Variants in UEVLD observed in about 807,000 individuals in gnomAD.
The protein encoded by UEVLD is ubiquitin-conjugating enzyme E2 variant 3.
A neutral mutation model predicts 58.6 loss-of-function variants in UEVLD; 47 were observed. The observed-to-expected ratio is 0.80, with a 90% confidence interval of 0.63 to 1.02. UEVLD has a LOEUF of 1.02. Ranked by LOEUF, UEVLD falls within the 50% of genes least tolerant of loss-of-function variation. The pLI is 0.00. For missense variants in UEVLD, 510 were observed against 550.6 expected, an observed-to-expected ratio of 0.93 and a Z score of 0.74; for synonymous variants, 197 against 195.3, an observed-to-expected ratio of 1.01 and a Z score of -0.07.
intron 4 of UEVLD, among the ~76,000 whole-genome samples, chr11:18,569,141 GC>G (rs1224298133): frequency 2.0e-5 from 3 of 152,080 alleles, no homozygotes; most frequent in Non-Finnish European, 4.4e-5. Flanking sequence ...TGATCCACCC[GC>G]CTCGGCCTAC....
intron 3 of UEVLD, 93 bp downstream of exon 3, chr11:18,575,254 T>A: frequency 7.4e-7 from 1 of 1,347,008 alleles, no homozygotes; most frequent in Non-Finnish European, 1.0e-6. Context: ...TCTGCAATAA[T>A]ACTTTAAGAA....
At chr11:18,539,964 T>A (rs1440289815) in intron 9 of UEVLD, among the ~76,000 whole-genome samples, 1 of 152,270 alleles carries the variant, frequency 6.6e-6, no homozygotes, top group Non-Finnish European at 1.5e-5. Flanking sequence ...TGTTTCCAAA[T>A]CCTAATGTTG....
intron 3 of UEVLD, among the ~76,000 whole-genome samples, chr11:18,572,460 A>C (rs997135910): frequency 2.3e-4 from 35 of 152,282 alleles, no homozygotes; most frequent in African/African-American, 7.7e-4. Context: ...TTTTAGCATA[A>C]GCATGTATAA....
At chr11:18,545,860 G>A (rs943757649) in intron 8 of UEVLD, among the ~76,000 whole-genome samples, 2 of 151,760 alleles carry the variant, frequency 1.3e-5, no homozygotes, top group Admixed American at 6.6e-5. Flanking sequence ...CTTATTGATC[G>A]AGTTTTCTTT....
Position 18,532,420 on chromosome 11 carries a change from G to C in UEVLD, c.1316C>G (p.Ser439Cys). The C allele has an allele frequency of 2.5e-6, 4 of 1,613,474 alleles. No homozygotes were observed. Among genetic ancestry groups the C allele is most frequent in the South Asian group, 2.2e-5 (2 of 91,020 alleles). Residue 439 changes from serine to cysteine, a missense_variant, in exon 12 of 12, where the codon TCT (serine) becomes TGT (cysteine). Ser to Cys is a moderately radical substitution (Grantham distance 112). Coordinates refer to ENST00000396197, the MANE Select transcript of UEVLD (RefSeq NM_001040697.4). ...TTTCAGTGTGGTTTTGATAACTTCA[G>C]ATACTCCATTGGTTCCAAGGATGCA... ...LPCILGTNGV[S>C]EVIKTTLKED...
intron 6 of UEVLD, among the ~76,000 whole-genome samples, chr11:18,561,467 C>T (rs999495387): frequency 4.0e-5 from 6 of 151,544 alleles, no homozygotes; most frequent in Non-Finnish European, 8.8e-5. Flanking sequence ...CATGGTGGCA[C>T]GTACCTGTAA....
chr11:18,538,262 T>A (rs56276143), intron 9 of UEVLD, among the ~76,000 whole-genome samples: 1 of 151,694 alleles, frequency 6.6e-6, no homozygotes, highest in East Asian at 1.9e-4. Context: ...TATTCTTTTG[T>A]GTTCTCTTGC....
chr11:18,588,555 C>T (rs1347150988), intron 1 of UEVLD, 58 bp downstream of exon 1: 1 of 1,589,808 alleles, frequency 6.3e-7, no homozygotes, highest in African/African-American at 1.3e-5. Flanking sequence ...TGGCCAAAGG[C>T]AGAGGCACCC....
chr11:18,570,398 A>C (rs754711793), intron 3 of UEVLD, 21 bp from the exon 4 acceptor site: 1 of 1,501,178 alleles, frequency 6.7e-7, no homozygotes, highest in Non-Finnish European at 8.9e-7. Context: ...CAAAAGAAAC[A>C]TATCTTCAAA....
At chr11:18,541,986 T>TA (rs1168216052) in intron 9 of UEVLD, among the ~76,000 whole-genome samples, 1 of 152,106 alleles carries the variant, frequency 6.6e-6, no homozygotes, top group Non-Finnish European at 1.5e-5. Context: ...AGCTCTCTAA[T>TA]AACGTGGCTA....
intron 6 of UEVLD, among the ~76,000 whole-genome samples, chr11:18,562,247 T>C (rs1285892208): frequency 1.3e-5 from 2 of 151,974 alleles, no homozygotes; most frequent in African/African-American, 4.8e-5. Context: ...CTAGCTAATT[T>C]TTAATTTTTG....
intron 7 of UEVLD, among the ~76,000 whole-genome samples, chr11:18,555,197 A>G (rs984960395): frequency 6.6e-6 from 1 of 151,784 alleles, no homozygotes; most frequent in African/African-American, 2.4e-5. Flanking sequence ...GAGGCTGAGG[A>G]GGGTGGATCA....
intron 7 of UEVLD, among the ~76,000 whole-genome samples, chr11:18,551,524 G>A (rs1851531168): frequency 6.6e-6 from 1 of 151,910 alleles, no homozygotes; most frequent in South Asian, 2.1e-4. Context: ...TAATGTGTTA[G>A]GCCCTAAGAA....
intron 7 of UEVLD, among the ~76,000 whole-genome samples, chr11:18,551,145 T>C (rs946112193): frequency 6.6e-6 from 1 of 152,076 alleles, no homozygotes; most frequent in African/African-American, 2.4e-5. Flanking sequence ...AGGATCAGGA[T>C]AGGCCGGGTG....
At position 18,532,357 on chromosome 11, in the gene UEVLD, G is replaced by A. The variant is rs779461595; in HGVS notation, c.1379C>T (p.Ser460Phe). The A allele has an allele frequency of 1.9e-6, 3 of 1,612,362 alleles. No individual in the cohort carries two copies. Among genetic ancestry groups the A allele is most frequent in the East Asian group, 2.2e-5 (1 of 44,764 alleles). The change falls in exon 12 of 12, where the codon TCC (serine) becomes TTC (phenylalanine). Residue 460 changes from serine (S) to phenylalanine (F), a missense_variant. Transcript: ENST00000396197. ...CTGTTGTTGGAGACTGTGGATTGAG[G>A]ATGCACTGCTTTGGAGTTTCTCAGT... The part of the protein sequence containing the change: ...TVTEKLQSSA[S>F]SIHSLQQQLK...
intron 1 of UEVLD, chr11:18,579,457 TG>T (rs1853118143): frequency 1.0e-6 from 1 of 985,448 alleles, no homozygotes; most frequent in Non-Finnish European, 1.2e-6. Flanking sequence ...TGAGGCAGAA[TG>T]GATCACCCCT....
chr11:18,549,620 T>C (rs935089656), intron 7 of UEVLD, among the ~76,000 whole-genome samples: 3 of 151,888 alleles, frequency 2.0e-5, no homozygotes, highest in Non-Finnish European at 4.4e-5. Flanking sequence ...AGTTTCACCA[T>C]GTTGGCCAGG....
chr11:18,557,432 G>A (rs925973377), intron 7 of UEVLD, among the ~76,000 whole-genome samples: 1 of 152,048 alleles, frequency 6.6e-6, no homozygotes, highest in Non-Finnish European at 1.5e-5. Flanking sequence ...GATTACAGGC[G>A]TGAGCCACCG....
At position 18,534,391 on chromosome 11, in the gene UEVLD, T is replaced by TC. The variant is rs774585503; in HGVS notation, c.1186dup (p.Asp396GlyfsTer4). The TC allele has an allele frequency of 1.3e-6, 2 of 1,579,622 alleles. No individual in the cohort carries two copies. Among genetic ancestry groups the TC allele is most frequent in the African/African-American group, 2.7e-5 (2 of 73,018 alleles). On this transcript the variant is annotated frameshift_variant, in exon 11 of 12. Coordinates refer to ENST00000396197, the MANE Select transcript of UEVLD (RefSeq NM_001040697.4). LOFTEE classifies it high-confidence loss of function. ...ATTGTTTACAATACTGTCAACCATG[T>TC]CAGCTACTGATAGTCCAACAGACCA...
Sources: allele counts gnomAD v4.1 joint callset (sites outside exome capture counted in the v4.1 genomes callset), GRCh38; gene constraint gnomAD v4.1.1; transcripts MANE v1.5; gene names NCBI Gene and HGNC (gene_info 2026-07-23, HGNC 2026-07-21).